Variants in ATP9A observed in about 807,000 individuals in gnomAD.
ATP9A encodes probable phospholipid-transporting ATPase IIA.
ATP9A carries 52 observed loss-of-function variants against 144.1 expected under a neutral mutation model. The observed-to-expected ratio is 0.36, with a 90% CI of 0.29 to 0.45. The LOEUF is 0.45. Ranked by LOEUF, ATP9A falls within the 20% of genes least tolerant of loss-of-function variation. The probability of loss-of-function intolerance (pLI) is 1.00; values close to 1 mark genes in which losing one functional copy is unlikely to be tolerated. For synonymous variants in ATP9A, 582 were observed against 557.4 expected (o/e 1.04, Z -0.62); for missense variants, 947 against 1,392.7 (o/e 0.68, Z 5.09).
At chr20:51,625,048 C>T in intron 18 of ATP9A, 144 bp downstream of exon 18, 1 of 535,014 alleles carries the variant, frequency 1.9e-6, no homozygotes, top group Non-Finnish European at 3.1e-6. Context: ...GGGGCAGAAA[C>T]AGTGCCTGTG....
At position 51,657,222 on chromosome 20, in the gene ATP9A, T is replaced by G. The variant is rs116509567; in HGVS notation, c.1294-72A>C. 3.9e-6 allele frequency: 5 copies of G among 1,276,910 alleles called. No homozygotes were observed. In the East Asian group the frequency reaches 1.2e-4, roughly 31 times the overall value. The allele number at this position is 1,276,910 out of a possible 1,614,324, so 79.1% of individuals were successfully genotyped here. On this transcript the variant is annotated intron_variant, in intron 13 of 27. Transcript: ENST00000338821. Reference sequence around the variant, plus strand: ...GATTTGGAGAGTGGAAGAACAGCCGTGCAGCTATTGTTTCTTTTTTCTACT... The same window carrying G: ...GATTTGGAGAGTGGAAGAACAGCCGGGCAGCTATTGTTTCTTTTTTCTACT...
chr20:51,615,217 A>G (rs768884008), intron 22 of ATP9A, among the ~76,000 whole-genome samples: 2 of 152,228 alleles, frequency 1.3e-5, no homozygotes, highest in Admixed American at 1.3e-4. Context: ...CTTTCTACTG[A>G]TTCAAAGAAA....
chr20:51,608,230 G>A (rs571410862), intron 25 of ATP9A, among the ~76,000 whole-genome samples: 8 of 152,250 alleles, frequency 5.3e-5, no homozygotes, highest in Non-Finnish European at 8.8e-5. Flanking sequence ...ACTGCAAAGC[G>A]GAACTGTCAG....
intron 10 of ATP9A, among the ~76,000 whole-genome samples, chr20:51,674,900 C>T (rs923748131): frequency 6.6e-6 from 1 of 152,150 alleles, no homozygotes; most frequent in African/African-American, 2.4e-5. Flanking sequence ...TTGGCTCACA[C>T]CTCCTGGGTT....
At chr20:51,683,043 G>A (rs2077507188) in intron 9 of ATP9A, among the ~76,000 whole-genome samples, 1 of 150,704 alleles carries the variant, frequency 6.6e-6, no homozygotes, top group South Asian at 2.1e-4. Flanking sequence ...AATGAGCAGA[G>A]ATCGCACCAT....
In ATP9A at chr20:51,696,118, G is replaced by T. The variant is rs773653546; in HGVS notation, c.522C>A (p.Ile174=). ...CGTTTTTTTCTGATGTCCTCAGGAA[G>T]ATCATGTCGGCAGGGACCCGCTGGT... is the stretch of plus-strand genomic sequence containing the variant. The part of the protein sequence containing the change: ...EKNQRVPADM[I]FLRTSEKNGS... Residue 174 remains isoleucine (I), a synonymous_variant, in exon 6 of 28, where the codon ATC becomes ATA. Transcript: ENST00000338821. 1.2e-5 allele frequency: 19 copies of T among 1,613,826 alleles called. No individual in the cohort carries two copies. Among genetic ancestry groups the T allele is most frequent in the Non-Finnish European group, 1.4e-5 (17 of 1,179,822 alleles).
At chr20:51,661,675 A>G (rs1227533447) in intron 13 of ATP9A, among the ~76,000 whole-genome samples, 1 of 151,814 alleles carries the variant, frequency 6.6e-6, no homozygotes, top group East Asian at 1.9e-4. Flanking sequence ...CCAGCCAGAA[A>G]TACACTATTA....
rs550414896 is a variant in ATP9A, at chr20:51,712,776, G to C, written c.436+190C>G. Among the ~76,000 whole-genome samples, 5 of 152,342 alleles carry C rather than the reference G, an allele frequency of 3.3e-5. No individual in the cohort carries two copies. In the East Asian group the frequency reaches 9.7e-4, roughly 29 times the overall value. Reference sequence around the variant, plus strand: ...CCAAGAGGCCTGTGGATGCTGCCAGGGCCTGGTGGGACCCCGTCAACCTGT... The same window carrying C: ...CCAAGAGGCCTGTGGATGCTGCCAGCGCCTGGTGGGACCCCGTCAACCTGT... On this transcript the variant is annotated intron_variant, in intron 4 of 27. Transcript: ENST00000338821.
chr20:51,619,578 G>A (rs576246198), intron 19 of ATP9A, among the ~76,000 whole-genome samples: 11 of 9,108 alleles, frequency 1.2e-3, no homozygotes, highest in Admixed American at 3.2e-3. Flanking sequence ...AAAAAAAAAG[G>A]GGGGGGGGGG....
intron 13 of ATP9A, among the ~76,000 whole-genome samples, chr20:51,662,435 C>T (rs945252151): frequency 6.6e-6 from 1 of 151,762 alleles, no homozygotes; most frequent in African/African-American, 2.4e-5. Context: ...ATCCCAGCTA[C>T]TCGGCAGGCT....
At chr20:51,755,533 G>C (rs562828181) in intron 1 of ATP9A, among the ~76,000 whole-genome samples, 3 of 152,278 alleles carry the variant, frequency 2.0e-5, no homozygotes, top group African/African-American at 4.8e-5. Context: ...TGAGGACATG[G>C]AACAACTGAC....
chr20:51,749,213 A>C (rs921067036), intron 1 of ATP9A, among the ~76,000 whole-genome samples: 2 of 151,924 alleles, frequency 1.3e-5, no homozygotes, highest in Admixed American at 1.3e-4. Flanking sequence ...TAAATAAATA[A>C]TTTCAAAAAG....
intron 8 of ATP9A, among the ~76,000 whole-genome samples, chr20:51,689,753 C>A (rs865817139): frequency 2.0e-5 from 3 of 151,484 alleles, no homozygotes; most frequent in Admixed American, 6.6e-5. Flanking sequence ...AATTAAATTT[C>A]TCTTCTGAAA....
intron 21 of ATP9A, 122 bp from the exon 22 acceptor site, chr20:51,617,676 G>A (rs565804694): frequency 4.3e-5 from 46 of 1,057,916 alleles, no homozygotes; most frequent in Non-Finnish European, 5.8e-5. Context: ...GGCCTGCCCC[G>A]TCCATTCCAT....
intron 14 of ATP9A, among the ~76,000 whole-genome samples, chr20:51,646,212 G>T (rs918106766): frequency 6.6e-6 from 1 of 152,184 alleles, no homozygotes; most frequent in Admixed American, 6.5e-5. Context: ...TTCTTGGCCA[G>T]CAATAAACCA....
chr20:51,756,595 T>C (rs2052125550), intron 1 of ATP9A, among the ~76,000 whole-genome samples: 1 of 151,976 alleles, frequency 6.6e-6, no homozygotes, highest in African/African-American at 2.4e-5. Flanking sequence ...CCAGCCTCTC[T>C]TTCTGTCTTA....
chr20:51,712,829 GTGC>G lies in ATP9A; in HGVS notation c.436+134_436+136del, dbSNP rs2077645411. The G allele has an allele frequency of 3.1e-5, 23 of 747,274 alleles. 1 individual carries two copies. In the South Asian group the frequency reaches 3.6e-4, roughly 12 times the overall value. The allele number at this position is 747,274 out of a possible 1,614,324, so 46.3% of individuals were successfully genotyped here. A position where few individuals can be genotyped will look rare whatever the true frequency, so the allele number is the denominator to read the frequency against. ...TCCAGGGCAGATGGAGGCCTCCCTG[GTGC>G]TGGAGTAACCAAGCGACTGTTCCGC... On this transcript the variant is annotated intron_variant, in intron 4 of 27. Transcript: ENST00000338821.
chr20:51,657,944 A>G (rs1357430566), intron 13 of ATP9A, among the ~76,000 whole-genome samples: 1 of 152,244 alleles, frequency 6.6e-6, no homozygotes, highest in Admixed American at 6.5e-5. Flanking sequence ...AGGCAGCTCC[A>G]TGGCATACAA....
chr20:51,693,886 C>A (rs2077558929), intron 7 of ATP9A, 122 bp downstream of exon 7: 5 of 825,174 alleles, frequency 6.1e-6, no homozygotes, highest in Non-Finnish European at 9.8e-6. Context: ...TCCAGGACCC[C>A]ACGCTCCCCT....
Sources: gnomAD v4.1 joint callset for allele counts (sites outside exome capture counted in the v4.1 genomes callset) on GRCh38, gnomAD v4.1.1 for gene constraint, MANE v1.5 for transcripts, NCBI Gene and HGNC (gene_info 2026-07-23, HGNC 2026-07-21) for gene names.